Variants in DNAH7 observed in about 807,000 individuals in gnomAD.
DNAH7 encodes dynein axonemal heavy chain 7.
DNAH7 carries 397 observed loss-of-function variants against 444.6 expected under a neutral mutation model. The ratio of observed to expected loss-of-function variants is 0.89; its 90% CI spans 0.82 to 0.97. The LOEUF is 0.97. Ranked by LOEUF, DNAH7 falls within the 50% of genes least tolerant of loss-of-function variation. DNAH7 has a pLI of 0.00. For missense variants in DNAH7, 4,902 were observed against 4,800.8 expected, an observed-to-expected ratio of 1.02 and a Z score of -0.62; for synonymous variants, 1,636 against 1,624.4, an observed-to-expected ratio of 1.01 and a Z score of -0.17.
At chr2:195,836,204 C>CT (rs1410506942) in intron 47 of DNAH7, among the ~76,000 whole-genome samples, 2 of 152,120 alleles carry the variant, frequency 1.3e-5, no homozygotes, top group Admixed American at 1.3e-4. Context: ...CTCATTTAAC[C>CT]TTAGTTACCT....
At chr2:195,923,847 T>C in intron 22 of DNAH7, 40 bp from the exon 23 acceptor site, 1 of 1,572,690 alleles carries the variant, frequency 6.4e-7, no homozygotes, top group Non-Finnish European at 8.7e-7. Context: ...CCCAATGTGA[T>C]CAAAATTATT....
At chr2:195,783,176 C>G (rs1390611801) in intron 58 of DNAH7, among the ~76,000 whole-genome samples, 2 of 152,162 alleles carry the variant, frequency 1.3e-5, no homozygotes, top group African/African-American at 2.4e-5. Context: ...ATATATAAGT[C>G]ATTTCAATCC....
At chr2:195,745,853 C>T (rs568451535) in intron 63 of DNAH7, among the ~76,000 whole-genome samples, 9 of 152,252 alleles carry the variant, frequency 5.9e-5, no homozygotes, top group African/African-American at 1.4e-4. Flanking sequence ...GAAGGAAGCA[C>T]TAAACATGGA....
At chr2:195,977,999 G>T (rs1462439392) in intron 15 of DNAH7, among the ~76,000 whole-genome samples, 1 of 151,806 alleles carries the variant, frequency 6.6e-6, no homozygotes, top group African/African-American at 2.4e-5. Flanking sequence ...ATATTAAAGG[G>T]AGTTCTTCAA....
Position 195,831,225 on chromosome 2 carries a change from C to A in DNAH7, c.9100+2981G>T, listed in dbSNP as rs1465062506. Among the ~76,000 whole-genome samples, 4 of 152,288 alleles carry A rather than the reference C, an allele frequency of 2.6e-5. No homozygotes were observed. The South Asian group carries it at 6.2e-4, about 24-fold the overall frequency. ...ACTTTATCCATTGGCATAGCTAATA[C>A]AGATGTACCTTTATTTTCTAGAACA... On this transcript the variant is annotated intron_variant, in intron 48 of 64. Transcript: ENST00000312428.
chr2:195,755,386 T>C (rs1342972966), intron 62 of DNAH7, among the ~76,000 whole-genome samples: 1 of 152,178 alleles, frequency 6.6e-6, no homozygotes, highest in Non-Finnish European at 1.5e-5. Context: ...ATTCTAATGG[T>C]GAGTCAGTTG....
chr2:195,808,610 T>G, intron 53 of DNAH7, 72 bp downstream of exon 53: 6 of 1,558,048 alleles, frequency 3.9e-6, no homozygotes, highest in Non-Finnish European at 5.2e-6. Context: ...AAATCTTGCT[T>G]TTATGAAAAG....
chr2:195,819,375 AG>A (rs1697359903), intron 49 of DNAH7, among the ~76,000 whole-genome samples: 1 of 152,186 alleles, frequency 6.6e-6, no homozygotes, highest in African/African-American at 2.4e-5. Flanking sequence ...TGTATTGTTC[AG>A]CACAAAGTCA....
intron 15 of DNAH7, among the ~76,000 whole-genome samples, chr2:195,978,003 T>C (rs2125597168): frequency 6.6e-6 from 1 of 152,088 alleles, no homozygotes; most frequent in East Asian, 1.9e-4. Context: ...TAAAGGGAGT[T>C]CTTCAATCTG....
At chr2:196,020,599 A>C (rs1400933518) in intron 8 of DNAH7, among the ~76,000 whole-genome samples, 1 of 146,602 alleles carries the variant, frequency 6.8e-6, no homozygotes, top group African/African-American at 2.5e-5. Context: ...ATGGGGAATA[A>C]TTTGGGGCTT....
chr2:196,044,246 C>T lies in DNAH7; in HGVS notation c.398+3106G>A, dbSNP rs532779711. Among the ~76,000 whole-genome samples, 4 of 151,296 alleles carry T rather than the reference C, an allele frequency of 2.6e-5. No individual in the cohort carries two copies. In the East Asian group the frequency reaches 7.8e-4, roughly 29 times the overall value. On this transcript the variant is annotated intron_variant, in intron 5 of 64. Coordinates refer to ENST00000312428, the MANE Select transcript of DNAH7 (RefSeq NM_018897.3). ...GTGTGTATACATACACACACACATA[C>T]ACCATGGAATACTACTAAAAAGGAA... is the stretch of plus-strand genomic sequence containing the variant.
chr2:196,020,276 C>T (rs1695295413), intron 8 of DNAH7, among the ~76,000 whole-genome samples: 1 of 151,746 alleles, frequency 6.6e-6, no homozygotes, highest in African/African-American at 2.4e-5. Flanking sequence ...TATATTTAAC[C>T]ACGTATAAAA....
chr2:195,865,285 G>A (rs1296795812), intron 40 of DNAH7, among the ~76,000 whole-genome samples: 1 of 152,168 alleles, frequency 6.6e-6, no homozygotes, highest in Non-Finnish European at 1.5e-5. Flanking sequence ...CAGATGTAGA[G>A]ATGCTAAGAG....
chr2:196,019,355 A>G (rs1695228953), intron 8 of DNAH7, 60 bp from the exon 9 acceptor site: 1 of 1,304,338 alleles, frequency 7.7e-7, no homozygotes, highest in Non-Finnish European at 1.0e-6. Context: ...TAGTAACTGT[A>G]CATTTTGGGT....
intron 5 of DNAH7, among the ~76,000 whole-genome samples, chr2:196,036,617 G>A (rs747830484): frequency 3.2e-4 from 49 of 152,108 alleles, no homozygotes; most frequent in Non-Finnish European, 5.6e-4. Context: ...TGTCCCACCT[G>A]GGGGTCCAGG....
chr2:195,743,467 A>AC lies in DNAH7; in HGVS notation c.11765-2599_11765-2598insG, dbSNP rs367663915. On this transcript the variant is annotated intron_variant, in intron 63 of 64. Coordinates refer to ENST00000312428, the MANE Select transcript of DNAH7 (RefSeq NM_018897.3). ...GCCTTTAGGTGCCCCTTTTCATTGT[A>AC]TTTTAATTTAATCTTAGCTATATAA... Among the ~76,000 whole-genome samples the AC allele has an allele frequency of 9.4e-5, 13 of 138,178 alleles. No individual in the cohort carries two copies. The East Asian group carries it at 2.9e-3, about 31-fold the overall frequency. The allele number at this position is 138,178 out of a possible 152,430, so 90.7% of individuals were successfully genotyped here.
At chr2:195,995,698 G>C (rs984758558) in intron 12 of DNAH7, 1 of 184,186 alleles carries the variant, frequency 5.4e-6, no homozygotes, top group African/African-American at 2.4e-5. Context: ...TGGTGGTGCT[G>C]GGCAGATGCG....
intron 49 of DNAH7, 68 bp from the exon 50 acceptor site, chr2:195,817,897 C>T (rs1484402585): frequency 8.1e-7 from 1 of 1,232,668 alleles, no homozygotes; most frequent in African/African-American, 1.5e-5. Context: ...TTTTATGTGT[C>T]AAGTTCTGCC....
In DNAH7 at chr2:195,897,767, T is replaced by TTAA; in HGVS notation, c.4549-3_4549-2insTTA. The TTAA allele has an allele frequency of 8.7e-7, 1 of 1,145,488 alleles. No individual in the cohort carries two copies. Among genetic ancestry groups the TTAA allele is most frequent in the East Asian group, 2.7e-5 (1 of 37,276 alleles). The allele number at this position is 1,145,488 out of a possible 1,614,324, so 71.0% of individuals were successfully genotyped here. ...TTCATTTTCATTTGGATATTTCAGC[T>TTAA]AAAAAAAAAAAAAAAAACTCATGAG... is the stretch of plus-strand genomic sequence containing the variant. On this transcript the variant is annotated splice_region_variant and splice_polypyrimidine_tract_variant and intron_variant, in intron 28 of 64. Coordinates refer to ENST00000312428, the MANE Select transcript of DNAH7 (RefSeq NM_018897.3).
Sources: allele counts gnomAD v4.1 joint callset (sites outside exome capture counted in the v4.1 genomes callset), GRCh38; gene constraint gnomAD v4.1.1; transcripts MANE v1.5; gene names NCBI Gene and HGNC (gene_info 2026-07-23, HGNC 2026-07-21).